DMD: variants seen among roughly 807,000 people sequenced by gnomAD.
DMD encodes the protein dystrophin.
Under a neutral mutation model 330.1 loss-of-function variants are expected in DMD, and 63 were observed. The ratio of observed to expected loss-of-function variants is 0.19; its 90% CI spans 0.16 to 0.24. The LOEUF (loss-of-function observed/expected upper bound fraction) is 0.24, where lower values mean the gene tolerates loss of function less well. Among genes scored for constraint, DMD ranks in the 10% least tolerant of loss-of-function variants. The probability of loss-of-function intolerance (pLI) is 1.00; values close to 1 mark genes in which losing one functional copy is unlikely to be tolerated. For missense variants in DMD, 3,344 were observed against 2,684.1 expected (o/e 1.25, Z -5.43); for synonymous variants, 1,223 against 959.8 (o/e 1.27, Z -5.07).
chrX:32,454,634 T>C, intron 26 of DMD, 28 bp downstream of exon 26: 2 of 1,088,818 alleles, frequency 1.8e-6, no homozygotes, highest in South Asian at 2.0e-5. Context: ...TCCTTTGTTT[T>C]ACTTAGTTTT....
chrX:32,931,176 T>G (rs1374530581), intron 2 of DMD, among the ~76,000 whole-genome samples: 1 of 110,127 alleles, frequency 9.1e-6, no homozygotes, highest in Non-Finnish European at 1.9e-5. Context: ...GGAAATTGTA[T>G]GTATTGCCTA....
intron 2 of DMD, among the ~76,000 whole-genome samples, chrX:32,894,024 G>A (rs998786178): frequency 1.8e-5 from 2 of 111,203 alleles, no homozygotes; most frequent in African/African-American, 3.3e-5. Context: ...CAAACCTGCC[G>A]CTGAAAGCCA....
intron 2 of DMD, among the ~76,000 whole-genome samples, chrX:32,970,125 T>G (rs1318962415): frequency 1.1e-5 from 1 of 94,601 alleles, no homozygotes; most frequent in African/African-American, 4.8e-5. Context: ...ACTTATGATC[T>G]CAATGCTCAT....
intron 1 of DMD, among the ~76,000 whole-genome samples, chrX:33,222,483 C>T (rs2052200454): frequency 8.9e-6 from 1 of 112,285 alleles, no homozygotes; most frequent in Non-Finnish European, 1.9e-5. Context: ...ATATTGTGAA[C>T]AAGGCGTGAA....
intron 74 of DMD, among the ~76,000 whole-genome samples, chrX:31,150,082 G>A (rs187845978): frequency 5.4e-5 from 6 of 111,723 alleles, no homozygotes; most frequent in South Asian, 7.5e-4. Flanking sequence ...TGTTAAAATT[G>A]TCCATATCTT....
chrX:33,216,465 G>A (rs1193466074), upstream of DMD, among the ~76,000 whole-genome samples: 3 of 110,931 alleles, frequency 2.7e-5, no homozygotes, highest in Non-Finnish European at 5.7e-5. Context: ...GGAGGGAAGC[G>A]GGTGTGAGCT....
chrX:31,172,995 A>G (rs2040151479), intron 72 of DMD, among the ~76,000 whole-genome samples: 1 of 111,366 alleles, frequency 9.0e-6, no homozygotes, highest in South Asian at 3.7e-4. Flanking sequence ...AGTTAACCAA[A>G]CTCTTACGGA....
At chrX:32,597,215 C>A (rs778480008) in intron 12 of DMD, among the ~76,000 whole-genome samples, 1 of 111,639 alleles carries the variant, frequency 9.0e-6, no homozygotes, top group South Asian at 3.7e-4. Flanking sequence ...CAATGTTGCT[C>A]CCTAGTAATT....
rs747745278 is a variant in DMD at position 32,735,495 on chromosome X, A to G, written c.650-36202T>C. On this transcript the variant is annotated intron_variant, in intron 7 of 78. Transcript: ENST00000357033. ...CCAAAAGAACAAAGCTGGAGGCATC[A>G]CACTACCTGACTTCAAACTATACTA... Among the ~76,000 whole-genome samples, 122 of 111,641 alleles carry G rather than the reference A, an allele frequency of 1.1e-3. 1 individual carries two copies. Among genetic ancestry groups the G allele is most frequent in the African/African-American group, 3.7e-3 (112 of 30,566 alleles).
At chrX:32,495,188 G>T (rs1054987011) in intron 19 of DMD, among the ~76,000 whole-genome samples, 1 of 111,840 alleles carries the variant, frequency 8.9e-6, no homozygotes, top group African/African-American at 3.3e-5. Context: ...TTAATTCATT[G>T]TGAATATGCT....
intron 63 of DMD, among the ~76,000 whole-genome samples, chrX:31,228,268 A>T (rs5926999): frequency 4.8e-5 from 3 of 62,714 alleles, no homozygotes; most frequent in Non-Finnish European, 7.8e-5. Flanking sequence ...AAAAAAAAAT[A>T]AAAAAATAAA....
intron 44 of DMD, among the ~76,000 whole-genome samples, chrX:32,188,382 G>T (rs1603627900): frequency 9.5e-6 from 1 of 105,135 alleles, no homozygotes; most frequent in Non-Finnish European, 2.0e-5. Context: ...CTCCCATGAA[G>T]CTTATAAAGT....
chrX:31,303,144 C>A lies in DMD; in HGVS notation c.9224+20454G>T, dbSNP rs749507194. On this transcript the variant is annotated intron_variant, in intron 62 of 78. Coordinates refer to ENST00000357033, the MANE Select transcript of DMD (RefSeq NM_004006.3). Reference sequence around the variant, plus strand: ...TTTAATTTAATTTTTAAAAATTAGTCTTTTTTATTTTTAGTATTGCACCTG... The same window carrying A: ...TTTAATTTAATTTTTAAAAATTAGTATTTTTTATTTTTAGTATTGCACCTG... Among the ~76,000 whole-genome samples the A allele has an allele frequency of 4.5e-5, 5 of 111,350 alleles. No homozygotes were observed. The East Asian group carries it at 1.1e-3, about 25-fold the overall frequency.
At chrX:32,603,380 T>C (rs2056394306) in intron 12 of DMD, among the ~76,000 whole-genome samples, 1 of 111,395 alleles carries the variant, frequency 9.0e-6, no homozygotes, top group South Asian at 3.7e-4. Context: ...GATGGAAATT[T>C]ATAGCATTAA....
At chrX:32,441,083 C>T (rs2098279847) in intron 28 of DMD, 97 bp downstream of exon 28, 2 of 943,280 alleles carry the variant, frequency 2.1e-6, no homozygotes, top group Admixed American at 4.7e-5. Flanking sequence ...ATTATACTCT[C>T]TTGGGTTGTT....
intron 44 of DMD, among the ~76,000 whole-genome samples, chrX:32,074,340 T>G (rs1407382881): frequency 9.0e-6 from 1 of 111,534 alleles, no homozygotes; most frequent in East Asian, 2.8e-4. Flanking sequence ...AAACGGCGTT[T>G]ACTATGCAAG....
intron 44 of DMD, among the ~76,000 whole-genome samples, chrX:31,983,507 G>T (rs1424955850): frequency 9.0e-6 from 1 of 110,755 alleles, no homozygotes; most frequent in Non-Finnish European, 1.9e-5. Flanking sequence ...CACATTTAAA[G>T]AAATATCACA....
At chrX:32,467,871 A>G (rs919176727) in intron 23 of DMD, among the ~76,000 whole-genome samples, 4 of 109,931 alleles carry the variant, frequency 3.6e-5, no homozygotes, top group Non-Finnish European at 7.6e-5. Flanking sequence ...ATTTCTGCTA[A>G]TTTCTTAGGA....
intron 55 of DMD, among the ~76,000 whole-genome samples, chrX:31,594,164 G>T (rs1178852026): frequency 9.1e-6 from 1 of 110,280 alleles, no homozygotes; most frequent in East Asian, 2.8e-4. Context: ...TACCATATCT[G>T]GCCTCTACCC....
Sources: gnomAD v4.1 joint callset for allele counts (sites outside exome capture counted in the v4.1 genomes callset) on GRCh38, gnomAD v4.1.1 for gene constraint, MANE v1.5 for transcripts, NCBI Gene and HGNC (gene_info 2026-07-23, HGNC 2026-07-21) for gene names.